Variants in MAP3K21 observed in about 807,000 individuals in gnomAD.
MAP3K21 encodes mitogen-activated protein kinase kinase kinase MLK4.
MAP3K21 carries 63 observed loss-of-function variants against 86.1 expected under a neutral mutation model. The ratio of observed to expected loss-of-function variants is 0.73; its 90% CI spans 0.60 to 0.90. The LOEUF (loss-of-function observed/expected upper bound fraction) is 0.90, where lower values mean the gene tolerates loss of function less well. Among genes scored for constraint, MAP3K21 ranks in the 40% least tolerant of loss-of-function variants. MAP3K21 has a pLI of 0.00. For synonymous variants in MAP3K21, 558 were observed against 564.8 expected (o/e 0.99, Z 0.17); for missense variants, 1,220 against 1,367.7 (o/e 0.89, Z 1.70).
intron 2 of MAP3K21, among the ~76,000 whole-genome samples, chr1:233,351,472 C>T (rs993727526): frequency 3.3e-5 from 5 of 152,044 alleles, no homozygotes; most frequent in Non-Finnish European, 7.4e-5. Context: ...GTAGGTGGAT[C>T]ACAAGGTCAG....
chr1:233,345,371 G>A (rs1026425793), intron 1 of MAP3K21, among the ~76,000 whole-genome samples: 1 of 152,118 alleles, frequency 6.6e-6, no homozygotes, highest in Non-Finnish European at 1.5e-5. Context: ...AGAAAGTGTG[G>A]TATATATACA....
chr1:233,335,387 C>T (rs1053290294), intron 1 of MAP3K21, among the ~76,000 whole-genome samples: 1 of 152,158 alleles, frequency 6.6e-6, no homozygotes, highest in Non-Finnish European at 1.5e-5. Context: ...ACCACGATTA[C>T]TTGTACACCA....
intron 2 of MAP3K21, among the ~76,000 whole-genome samples, chr1:233,349,475 G>A (rs1663207325): frequency 1.3e-5 from 2 of 152,080 alleles, no homozygotes; most frequent in African/African-American, 4.8e-5. Flanking sequence ...TAGCAACCTT[G>A]TCTATCATAA....
chr1:233,328,323 C>T lies in MAP3K21; in HGVS notation c.295C>T (p.Pro99Ser). 1 of 1,474,924 alleles carries T rather than the reference C, an allele frequency of 6.8e-7. No homozygotes were observed. The highest frequency in any genetic ancestry group is 8.9e-7 in the Non-Finnish European group (1 of 1,121,360). 91.4% of individuals were successfully genotyped at this position (1,474,924 alleles called of 1,614,324 possible). A position where few individuals can be genotyped will look rare whatever the true frequency, so the allele number is the denominator to read the frequency against. Residue 99 changes from proline (P) to serine (S), a missense_variant, in exon 1 of 10, where the codon CCC becomes TCC. This residue lies in a region of MAP3K21 where 369 missense variants were observed against 385.3 expected (regional missense o/e 0.96). Transcript: ENST00000366624. The surrounding 1 kb of genome is among the most constrained non-coding windows in gnomAD (Gnocchi z 8.7). ...CATCTTCCCCGCCAACTACGTGGCT[C>T]CCTGCCGCCCGGCCGCCAGCCCCGC... is the stretch of plus-strand genomic sequence containing the variant. ...LGIFPANYVA[P>S]CRPAASPAPP...
chr1:233,330,741 C>T (rs1392201489), intron 1 of MAP3K21, among the ~76,000 whole-genome samples: 1 of 152,198 alleles, frequency 6.6e-6, no homozygotes, highest in Non-Finnish European at 1.5e-5. Context: ...GTTAAAGGGC[C>T]TATAGCTATT....
At chr1:233,346,370 A>T in intron 1 of MAP3K21, 72 bp from the exon 2 acceptor site, 1 of 1,208,564 alleles carries the variant, frequency 8.3e-7, no homozygotes, top group Non-Finnish European at 1.2e-6. Flanking sequence ...ATTGTGTTTT[A>T]CATGCCACAG....
At chr1:233,348,856 C>T (rs1042722364) in intron 2 of MAP3K21, among the ~76,000 whole-genome samples, 9 of 152,118 alleles carry the variant, frequency 5.9e-5, no homozygotes, top group African/African-American at 2.2e-4. Context: ...CCAGGTCTGC[C>T]TGGCTCTCAG....
In MAP3K21 at chr1:233,354,937, T is replaced by C; in HGVS notation, c.1237T>C (p.Ser413Pro). Reference sequence around the variant, plus strand: ...AGTGATGACTGAGATGCCTCAAGAATCTTTTCATTCCATGCAAGATGACTG... The same window carrying C: ...AGTGATGACTGAGATGCCTCAAGAACCTTTTCATTCCATGCAAGATGACTG... ...GAVMTEMPQE[S>P]FHSMQDDWKL... Residue 413 changes from serine (S) to proline (P), a missense_variant, in exon 4 of 10, where the codon TCT (serine) becomes CCT (proline). This residue lies in a region of MAP3K21 where 126 missense variants were observed against 127.7 expected (regional missense o/e 0.99). Transcript: ENST00000366624. The C allele has an allele frequency of 6.2e-7, 1 of 1,614,074 alleles. No individual in the cohort carries two copies. The highest frequency in any genetic ancestry group is 1.3e-5 in the African/African-American group (1 of 75,052).
intron 1 of MAP3K21, among the ~76,000 whole-genome samples, chr1:233,330,666 T>C (rs552119785): frequency 6.6e-6 from 1 of 152,352 alleles, no homozygotes; most frequent in Admixed American, 6.5e-5. Context: ...CCCAACATTC[T>C]GCAAATGTAT....
At chr1:233,355,595 T>C (rs1433396955) in intron 4 of MAP3K21, among the ~76,000 whole-genome samples, 1 of 152,194 alleles carries the variant, frequency 6.6e-6, no homozygotes, top group Non-Finnish European at 1.5e-5. Context: ...GACAAGTTTT[T>C]AAAAGGGGCT....
At chr1:233,335,577 C>T (rs1184683829) in intron 1 of MAP3K21, among the ~76,000 whole-genome samples, 1 of 152,016 alleles carries the variant, frequency 6.6e-6, no homozygotes, top group Admixed American at 6.6e-5. Context: ...TGATCAAAGT[C>T]ATTCAACCCA....
At chr1:233,352,613 T>G (rs1663270988) in intron 2 of MAP3K21, among the ~76,000 whole-genome samples, 1 of 152,092 alleles carries the variant, frequency 6.6e-6, no homozygotes, top group African/African-American at 2.4e-5. Context: ...GTATTTTTAG[T>G]AGAAACAGGG....
rs376475297 is a variant in MAP3K21, at chr1:233,377,972, C to A, written c.1925-959C>A. ...ATGCTTCTGCTGAACTGACACAGGG[C>A]GGAGCTCAGGTGGTAATGTGAGCAA... On this transcript the variant is annotated intron_variant, in intron 8 of 9. Transcript: ENST00000366624. Among the ~76,000 whole-genome samples the A allele has an allele frequency of 2.0e-5, 3 of 152,110 alleles. No homozygotes were observed. In the South Asian group the frequency reaches 6.2e-4, roughly 32 times the overall value.
At chr1:233,360,777 A>G (rs940272507) in intron 4 of MAP3K21, among the ~76,000 whole-genome samples, 2 of 152,192 alleles carry the variant, frequency 1.3e-5, no homozygotes, top group Non-Finnish European at 2.9e-5. Context: ...GTTTGGGTCT[A>G]GTTTCTTCCA....
chr1:233,378,827 T>A, intron 8 of MAP3K21, 104 bp from the exon 9 acceptor site: 1 of 852,356 alleles, frequency 1.2e-6, no homozygotes, highest in Non-Finnish European at 1.8e-6. Flanking sequence ...GTGTTTTGAT[T>A]TAAAATATGT....
chr1:233,351,370 T>A (rs76857906), intron 2 of MAP3K21, among the ~76,000 whole-genome samples: 2 of 152,202 alleles, frequency 1.3e-5, no homozygotes, highest in East Asian at 3.9e-4. Flanking sequence ...CACTATTATT[T>A]GATAGAAGAG....
rs898680297 is a variant in MAP3K21 at position 233,382,551 on chromosome 1, A to C, written c.2951A>C (p.Gln984Pro). The change falls in exon 10 of 10, where the codon CAA (glutamine) becomes CCA (proline). Residue 984 changes from glutamine (Q) to proline (P), a missense_variant. Transcript: ENST00000366624. ...VVGRPGPHPT[Q>P]FLAAKERTKS... ...GGTCGCCCAGGACCACATCCCACCC[A>C]ATTCCTCGCTGCCAAGGAGAGAACT... 1 of 1,613,904 alleles carries C rather than the reference A, an allele frequency of 6.2e-7. No homozygotes were observed. Among genetic ancestry groups the C allele is most frequent in the Non-Finnish European group, 8.5e-7 (1 of 1,180,010 alleles).
chr1:233,371,869 A>G (rs932563572), intron 5 of MAP3K21, among the ~76,000 whole-genome samples, 169 bp from the exon 6 acceptor site: 3 of 151,950 alleles, frequency 2.0e-5, no homozygotes, highest in African/African-American at 7.3e-5. Context: ...ATCATTATTT[A>G]TTGACCTGAA....
At chr1:233,375,829 T>A in intron 6 of MAP3K21, 87 bp from the exon 7 acceptor site, 1 of 1,010,542 alleles carries the variant, frequency 9.9e-7, no homozygotes, top group Non-Finnish European at 1.5e-6. Flanking sequence ...GTTTCACAAC[T>A]GATATGATTC....
Sources: allele counts gnomAD v4.1 joint callset (sites outside exome capture counted in the v4.1 genomes callset), GRCh38; gene constraint gnomAD v4.1.1; regional missense constraint gnomAD v4.1.1; non-coding constraint Gnocchi (gnomAD v3.1); transcripts MANE v1.5; gene names NCBI Gene and HGNC (gene_info 2026-07-23, HGNC 2026-07-21).